The following VPS50 variants were observed in gnomAD, a reference collection of about 807,000 sequenced individuals.
The protein encoded by VPS50 is VPS50 subunit of EARP/GARPII complex.
VPS50 carries 70 observed loss-of-function variants against 139.7 expected under a neutral mutation model. The observed-to-expected ratio is 0.50, with a 90% CI of 0.41 to 0.61. The LOEUF (loss-of-function observed/expected upper bound fraction) is 0.61, where lower values mean the gene tolerates loss of function less well. Among genes scored for constraint, VPS50 ranks in the 20% least tolerant of loss-of-function variants. The pLI is 0.00. For missense variants in VPS50, 921 were observed against 1,133.7 expected (o/e 0.81, Z 2.69); for synonymous variants, 365 against 376.7 (o/e 0.97, Z 0.36).
At chr7:93,323,522 A>C in intron 20 of VPS50, 89 bp from the exon 21 acceptor site, 1 of 385,730 alleles carries the variant, frequency 2.6e-6, no homozygotes, top group East Asian at 5.2e-5. Context: ...TAAATATTTT[A>C]GTATAATAAT....
At chr7:93,287,085 C>T (rs1003895249) in intron 12 of VPS50, among the ~76,000 whole-genome samples, 17 of 148,490 alleles carry the variant, frequency 1.1e-4, no homozygotes, top group East Asian at 7.9e-4. Context: ...ATGGTCTTTA[C>T]GTTTGTTCCT....
intron 21 of VPS50, among the ~76,000 whole-genome samples, chr7:93,329,962 A>G (rs890137660): frequency 1.3e-5 from 2 of 152,188 alleles, no homozygotes; most frequent in Non-Finnish European, 2.9e-5. Flanking sequence ...GAAAAGAGTA[A>G]AGAGCCTTGG....
chr7:93,346,178 C>T (rs1484851608), intron 23 of VPS50, among the ~76,000 whole-genome samples: 1 of 152,102 alleles, frequency 6.6e-6, no homozygotes, highest in Middle Eastern at 3.2e-3. Flanking sequence ...TTCTTATACA[C>T]CAACAACAGA....
chr7:93,335,545 A>G (rs1798047006), intron 22 of VPS50, among the ~76,000 whole-genome samples: 1 of 152,036 alleles, frequency 6.6e-6, no homozygotes. Context: ...TTCAGAGTCA[A>G]GGCTCCTTAT....
chr7:93,316,262 T>G (rs557728826), intron 20 of VPS50, among the ~76,000 whole-genome samples: 1 of 152,320 alleles, frequency 6.6e-6, no homozygotes, highest in Non-Finnish European at 1.5e-5. Flanking sequence ...ACGAGAAAGA[T>G]GGGCAAGAAC....
chr7:93,318,774 C>G (rs961971978), intron 20 of VPS50, among the ~76,000 whole-genome samples: 14 of 151,858 alleles, frequency 9.2e-5, no homozygotes, highest in African/African-American at 3.1e-4. Context: ...AAATTTCTCC[C>G]CCATGTTTCC....
rs1479500875 is a variant in VPS50 at position 93,349,973 on chromosome 7, G to A, written c.2403G>A (p.Val801=). ...AGATGCTGCTTCTCATGGCTAATGT[G>A]AAATGGGATGTAAAAGAAATTATGT... ...YEQMLLLMAN[V]KWDVKEIMSQ... The change falls in exon 25 of 28, where the codon GTG becomes GTA. Residue 801 remains valine, a synonymous_variant. Transcript: ENST00000305866. 2 of 1,612,912 alleles carry A rather than the reference G, an allele frequency of 1.2e-6. No homozygotes were observed. Among genetic ancestry groups the A allele is most frequent in the South Asian group, 1.1e-5 (1 of 91,030 alleles).
chr7:93,334,346 G>T lies in VPS50; in HGVS notation c.2058+149G>T, dbSNP rs1798016131. On this transcript the variant is annotated intron_variant, in intron 22 of 27. Transcript: ENST00000305866. ...GCATATAGGAAGTAAAACAGAGGTT[G>T]CTTATAGTCTGATCAGAGAGAAACT... is the stretch of plus-strand genomic sequence containing the variant. 5 of 577,928 alleles carry T rather than the reference G, an allele frequency of 8.7e-6. No homozygotes were observed. In the East Asian group the frequency reaches 1.5e-4, roughly 17 times the overall value. The allele number at this position is 577,928 out of a possible 1,614,324, so 35.8% of individuals were successfully genotyped here.
At chr7:93,274,047 T>A (rs1448537332) in intron 11 of VPS50, among the ~76,000 whole-genome samples, 1 of 152,128 alleles carries the variant, frequency 6.6e-6, no homozygotes, top group Non-Finnish European at 1.5e-5. Context: ...TTCTGACCGC[T>A]GTACCAACTG....
intron 21 of VPS50, among the ~76,000 whole-genome samples, chr7:93,326,304 G>A (rs1182904919): frequency 9.7e-6 from 1 of 102,962 alleles, no homozygotes; most frequent in East Asian, 2.9e-4. Context: ...TTGTGGGGTG[G>A]GGGGAGGGGG....
In VPS50 at chr7:93,259,543, C is replaced by G. The variant is rs1795601939; in HGVS notation, c.577-7C>G. 6.6e-7 allele frequency: 1 copy of G among 1,514,130 alleles called. No individual in the cohort carries two copies. The allele number at this position is 1,514,130 out of a possible 1,614,324, so 93.8% of individuals were successfully genotyped here. A position where few individuals can be genotyped will look rare whatever the true frequency, so the allele number is the denominator to read the frequency against. On this transcript the variant is annotated splice_polypyrimidine_tract_variant and splice_region_variant and intron_variant, in intron 8 of 27. Transcript: ENST00000305866. ...ATTCCAATGACTCCTGTTGTTGTTACCTTAAGGAGGAAGATTATCCAGGAG... is the reference window on the plus strand; with the variant it reads ...ATTCCAATGACTCCTGTTGTTGTTAGCTTAAGGAGGAAGATTATCCAGGAG...
intron 25 of VPS50, among the ~76,000 whole-genome samples, chr7:93,353,421 G>A (rs1045326156): frequency 1.3e-5 from 2 of 152,182 alleles, no homozygotes; most frequent in Non-Finnish European, 2.9e-5. Context: ...GCGATAAAAT[G>A]TAGTGTACTC....
chr7:93,359,810 T>C lies in VPS50; in HGVS notation c.*1374T>C, dbSNP rs1003579871. 1 of 152,184 alleles carries C rather than the reference T, an allele frequency of 6.6e-6. No individual in the cohort carries two copies. The highest frequency in any genetic ancestry group is 1.5e-5 in the Non-Finnish European group (1 of 68,024). The allele number at this position is 152,184 out of a possible 1,614,324, so 9.4% of individuals were successfully genotyped here. ...ACTCTGTGTCCATCAGTCCCTGCGA[T>C]GTCTGTAAATGCACAGTGTAATGTG... On this transcript the variant is annotated 3_prime_UTR_variant, in exon 28 of 28. Coordinates refer to ENST00000305866, the MANE Select transcript of VPS50 (RefSeq NM_017667.4).
chr7:93,343,601 C>A (rs1413437467), intron 23 of VPS50, among the ~76,000 whole-genome samples: 9 of 152,234 alleles, frequency 5.9e-5, no homozygotes, highest in Admixed American at 5.2e-4. Context: ...GGGTTACCCT[C>A]AAAGGGAAGC....
chr7:93,234,665 G>A (rs1226914351), intron 1 of VPS50, among the ~76,000 whole-genome samples: 1 of 152,124 alleles, frequency 6.6e-6, no homozygotes, highest in African/African-American at 2.4e-5. Context: ...ATACATGAAA[G>A]TATTTCTTTT....
At chr7:93,254,228 T>A (rs559273159) in intron 4 of VPS50, among the ~76,000 whole-genome samples, 1 of 152,238 alleles carries the variant, frequency 6.6e-6, no homozygotes, top group Non-Finnish European at 1.5e-5. Flanking sequence ...AGGCTCCTTG[T>A]CATAGACGTA....
In VPS50 at chr7:93,268,289, G is replaced by A. The variant is rs948939987; in HGVS notation, c.660-2931G>A. Among the ~76,000 whole-genome samples the A allele has an allele frequency of 1.3e-5, 2 of 152,074 alleles. 1 individual carries two copies. On this transcript the variant is annotated intron_variant, in intron 9 of 27. Transcript: ENST00000305866. Reference sequence around the variant, plus strand: ...ATAAATGGATAGATTGATTAAAATAGGTGTGTTACATATGCAGATTCATTA... The same window carrying A: ...ATAAATGGATAGATTGATTAAAATAAGTGTGTTACATATGCAGATTCATTA...
At chr7:93,244,474 T>C (rs949305223) in intron 2 of VPS50, among the ~76,000 whole-genome samples, 5 of 151,914 alleles carry the variant, frequency 3.3e-5, no homozygotes, top group Non-Finnish European at 7.4e-5. Flanking sequence ...TGAAAGGAAG[T>C]CATTTTAATG....
intron 1 of VPS50, among the ~76,000 whole-genome samples, chr7:93,237,649 G>T (rs558440206): frequency 1.3e-5 from 2 of 152,246 alleles, no homozygotes; most frequent in Middle Eastern, 3.4e-3. Context: ...CTATACAGAT[G>T]GTCCCCGATT....
Sources: allele counts gnomAD v4.1 joint callset (sites outside exome capture counted in the v4.1 genomes callset), GRCh38; gene constraint gnomAD v4.1.1; transcripts MANE v1.5; gene names NCBI Gene and HGNC (gene_info 2026-07-23, HGNC 2026-07-21).